MAML3: variants seen among roughly 807,000 people sequenced by gnomAD.
The protein encoded by MAML3 is mastermind-like protein 3.
A neutral mutation model predicts 101.9 loss-of-function variants in MAML3; 27 were observed. The observed-to-expected ratio is 0.27, with a 90% CI of 0.20 to 0.37. The LOEUF is 0.37. Among genes scored for constraint, MAML3 ranks in the 10% least tolerant of loss-of-function variants. The pLI is 1.00. For synonymous variants in MAML3, 501 were observed against 555.9 expected (o/e 0.90, Z 1.39); for missense variants, 1,316 against 1,444.9 (o/e 0.91, Z 1.45).
At position 140,143,117 on chromosome 4, in the gene MAML3, A is replaced by G. The variant is rs977231584; in HGVS notation, c.468+9743T>C. Among the ~76,000 whole-genome samples, 4 of 152,228 alleles carry G rather than the reference A, an allele frequency of 2.6e-5. No individual in the cohort carries two copies. The South Asian group carries it at 6.2e-4, about 24-fold the overall frequency. On this transcript the variant is annotated intron_variant, in intron 1 of 4. Coordinates refer to ENST00000509479, the MANE Select transcript of MAML3 (RefSeq NM_018717.5). ...AGTTTTTTAAAGTGTTTCCATTTACATGTCTAATAAGACAACAAATACCAT... is the reference window on the plus strand; with the variant it reads ...AGTTTTTTAAAGTGTTTCCATTTACGTGTCTAATAAGACAACAAATACCAT...
chr4:140,142,928 T>C (rs1162222655), intron 1 of MAML3, among the ~76,000 whole-genome samples: 10 of 152,156 alleles, frequency 6.6e-5, no homozygotes, highest in Non-Finnish European at 1.5e-4. Context: ...AAGACAATGA[T>C]CTGCCTCATT....
intron 1 of MAML3, among the ~76,000 whole-genome samples, chr4:140,029,919 TGATGAA>T (rs1170761713): frequency 6.6e-6 from 1 of 152,182 alleles, no homozygotes; most frequent in Non-Finnish European, 1.5e-5. Flanking sequence ...CAAAATAAGA[TGATGAA>T]GATGAAATAA....
Position 139,822,805 on chromosome 4 carries a change from A to C in MAML3, c.2079+66552T>G, listed in dbSNP as rs929212377. 4.6e-5 allele frequency among the ~76,000 whole-genome samples: 7 copies of C among 152,218 alleles called. No individual in the cohort carries two copies. In the East Asian group the frequency reaches 1.3e-3, roughly 29 times the overall value. ...TCCAGTTAATGAATGGGAGAGAAGA[A>C]TCAGAATTCTGTTTTCTTTTTCCAC... is the stretch of plus-strand genomic sequence containing the variant. On this transcript the variant is annotated intron_variant, in intron 2 of 4. Coordinates refer to ENST00000509479, the MANE Select transcript of MAML3 (RefSeq NM_018717.5).
At chr4:140,007,075 T>C (rs916050770) in intron 1 of MAML3, among the ~76,000 whole-genome samples, 1 of 152,220 alleles carries the variant, frequency 6.6e-6, no homozygotes, top group Non-Finnish European at 1.5e-5. Flanking sequence ...TAACATAGGA[T>C]GTTGCCGTAT....
chr4:140,052,688 C>G (rs541152099), intron 1 of MAML3, among the ~76,000 whole-genome samples: 54 of 152,100 alleles, frequency 3.6e-4, no homozygotes, highest in African/African-American at 1.3e-3. Flanking sequence ...GCATACACCA[C>G]CATACCCGGC....
rs964576442 is a variant in MAML3 at position 139,843,032 on chromosome 4, C to T, written c.2079+46325G>A. 2.0e-5 allele frequency among the ~76,000 whole-genome samples: 3 copies of T among 152,056 alleles called. No individual in the cohort carries two copies. In the East Asian group the frequency reaches 5.8e-4, roughly 29 times the overall value. On this transcript the variant is annotated intron_variant, in intron 2 of 4. Transcript: ENST00000509479. The stretch of plus-strand genomic sequence containing the variant: ...CTGACTTCAGGTGATCCGCCTACCA[C>T]AGCCTCCCAAAGTGCTGGGATTACA...
intron 2 of MAML3, among the ~76,000 whole-genome samples, chr4:139,780,595 A>G (rs1054262449): frequency 6.7e-6 from 1 of 149,516 alleles, no homozygotes; most frequent in Admixed American, 6.7e-5. Context: ...GTGGCTGTGC[A>G]TGGGTCGCCC....
intron 1 of MAML3, among the ~76,000 whole-genome samples, chr4:140,098,224 G>A (rs779706569): frequency 6.6e-5 from 10 of 152,086 alleles, no homozygotes; most frequent in Non-Finnish European, 1.0e-4. Flanking sequence ...CAAAATATTC[G>A]CAGTATGCTC....
chr4:140,123,950 G>T (rs943736744), intron 1 of MAML3, among the ~76,000 whole-genome samples: 1 of 152,080 alleles, frequency 6.6e-6, no homozygotes, highest in African/African-American at 2.4e-5. Flanking sequence ...TTTTTGCATC[G>T]TATTTCACAA....
chr4:140,004,615 G>A (rs1164902968), intron 1 of MAML3, among the ~76,000 whole-genome samples: 1 of 152,142 alleles, frequency 6.6e-6, no homozygotes. Context: ...AACGGGCTGC[G>A]AGTGTGTGAC....
At chr4:139,910,239 GT>G (rs1156240198) in intron 1 of MAML3, among the ~76,000 whole-genome samples, 1 of 152,186 alleles carries the variant, frequency 6.6e-6, no homozygotes, top group Non-Finnish European at 1.5e-5. Flanking sequence ...TTATCGGCCA[GT>G]CCCCAGGCTT....
chr4:139,734,549 G>A (rs546862074), intron 2 of MAML3, among the ~76,000 whole-genome samples: 2 of 152,212 alleles, frequency 1.3e-5, no homozygotes, highest in African/African-American at 4.8e-5. Context: ...CAAAACCAAC[G>A]AACCTATTTT....
chr4:140,127,930 A>C (rs941592909), intron 1 of MAML3: 1 of 152,240 alleles, frequency 6.6e-6, no homozygotes, highest in African/African-American at 2.4e-5. Flanking sequence ...TCAAGAGCTG[A>C]TCATAAATAG....
At chr4:139,821,687 G>C (rs1730976541) in intron 2 of MAML3, among the ~76,000 whole-genome samples, 1 of 152,218 alleles carries the variant, frequency 6.6e-6, no homozygotes, top group Non-Finnish European at 1.5e-5. Context: ...AGGCTTCCTG[G>C]CCACTGGCCA....
chr4:139,723,445 G>C (rs1438200666), intron 4 of MAML3, among the ~76,000 whole-genome samples: 2 of 152,130 alleles, frequency 1.3e-5, no homozygotes, highest in African/African-American at 2.4e-5. Context: ...GGAGTAGCTG[G>C]GATTACAGGC....
intron 2 of MAML3, among the ~76,000 whole-genome samples, chr4:139,757,259 C>T (rs1414484363): frequency 6.6e-6 from 1 of 152,160 alleles, no homozygotes; most frequent in African/African-American, 2.4e-5. Context: ...GGCTGGTTGT[C>T]CATTTTTCAC....
rs533069477 is a variant in MAML3 at position 139,976,243 on chromosome 4, G to GT, written c.469-85277dup. On this transcript the variant is annotated intron_variant, in intron 1 of 4. Coordinates refer to ENST00000509479, the MANE Select transcript of MAML3 (RefSeq NM_018717.5). ...AGGAAAGACAGATCCTGTTCTTCTG[G>GT]TTTTTTTTCTTTTCTTCTTCTTCTC... is the stretch of plus-strand genomic sequence containing the variant. Among the ~76,000 whole-genome samples the GT allele has an allele frequency of 5.9e-3, 899 of 152,056 alleles. 5 individuals are homozygous for GT. The highest frequency in any genetic ancestry group is 0.017 in the Middle Eastern group (5 of 294).
rs1462683740 is a variant in MAML3 at position 140,028,712 on chromosome 4, A to G, written c.468+124148T>C. On this transcript the variant is annotated intron_variant, in intron 1 of 4. Coordinates refer to ENST00000509479, the MANE Select transcript of MAML3 (RefSeq NM_018717.5). ...CCATCAATAGCTCAGACATTTGAGC[A>G]TAATCATTAAGCTTATCTCCCTATT... Among the ~76,000 whole-genome samples, 3 of 152,210 alleles carry G rather than the reference A, an allele frequency of 2.0e-5. No homozygotes were observed. The East Asian group carries it at 5.8e-4, about 29-fold the overall frequency.
At chr4:139,831,159 G>A (rs1731157465) in intron 2 of MAML3, among the ~76,000 whole-genome samples, 1 of 152,072 alleles carries the variant, frequency 6.6e-6, no homozygotes, top group African/African-American at 2.4e-5. Flanking sequence ...ATGGTGAGGA[G>A]GTTTCCAATT....
Sources: gnomAD v4.1 joint callset for allele counts (sites outside exome capture counted in the v4.1 genomes callset) on GRCh38, gnomAD v4.1.1 for gene constraint, MANE v1.5 for transcripts, NCBI Gene and HGNC (gene_info 2026-07-23, HGNC 2026-07-21) for gene names.